PHLDB2: variants seen among roughly 807,000 people sequenced by gnomAD.
The protein encoded by PHLDB2 is pleckstrin homology like domain family B member 2.
A neutral mutation model predicts 123.6 loss-of-function variants in PHLDB2; 71 were observed. The observed-to-expected ratio is 0.57, with a 90% CI of 0.47 to 0.70. PHLDB2 has a LOEUF of 0.70. Among genes scored for constraint, PHLDB2 ranks in the 30% least tolerant of loss-of-function variants. The pLI, the probability that PHLDB2 is intolerant of heterozygous loss-of-function variation, is 0.00. For synonymous variants in PHLDB2, 547 were observed against 541.6 expected, an observed-to-expected ratio of 1.01 and a Z score of -0.14; for missense variants, 1,446 against 1,519.5, an observed-to-expected ratio of 0.95 and a Z score of 0.80.
intron 1 of PHLDB2, among the ~76,000 whole-genome samples, chr3:111,750,810 G>T (rs987101445): frequency 6.6e-6 from 1 of 152,008 alleles, no homozygotes; most frequent in African/African-American, 2.4e-5. Flanking sequence ...GCCGGGCATG[G>T]TGGTGCATGC....
At chr3:111,854,503 A>T (rs563267872), upstream of PHLDB2, among the ~76,000 whole-genome samples, 1 of 152,350 alleles carries the variant, frequency 6.6e-6, no homozygotes, top group South Asian at 2.1e-4. Flanking sequence ...CTGCAGTAAG[A>T]TTGAAATGAG....
chr3:111,893,092 C>CCG (rs377108715), intron 2 of PHLDB2, among the ~76,000 whole-genome samples: 68,432 of 146,270 alleles, frequency 0.47, 16,271 homozygotes, highest in East Asian at 0.73. Flanking sequence ...TGAGTCCTGA[C>CCG]CACCCCCCCA....
chr3:111,780,873 G>A (rs949712996), intron 1 of PHLDB2, among the ~76,000 whole-genome samples: 1 of 152,006 alleles, frequency 6.6e-6, no homozygotes, highest in African/African-American at 2.4e-5. Flanking sequence ...TGTTTACAAA[G>A]GACTATCTGT....
intron 12 of PHLDB2, chr3:111,956,894 TG>T (rs1477019648): frequency 4.6e-5 from 7 of 152,212 alleles, no homozygotes; most frequent in Non-Finnish European, 8.8e-5. Flanking sequence ...TCTATGGATT[TG>T]AAAAAAATTA....
intron 2 of PHLDB2, among the ~76,000 whole-genome samples, chr3:111,848,648 A>G (rs987606014): frequency 1.3e-5 from 2 of 152,212 alleles, no homozygotes; most frequent in African/African-American, 2.4e-5. Flanking sequence ...CTTTAGACAT[A>G]TACAGTCATG....
chr3:111,799,298 A>G (rs1450732262), intron 1 of PHLDB2, among the ~76,000 whole-genome samples: 6 of 149,532 alleles, frequency 4.0e-5, no homozygotes, highest in Admixed American at 2.0e-4. Flanking sequence ...CACATAGCCA[A>G]AAAAATCACT....
intron 1 of PHLDB2, among the ~76,000 whole-genome samples, chr3:111,832,324 T>C (rs1351362807): frequency 6.7e-6 from 1 of 150,142 alleles, no homozygotes; most frequent in Non-Finnish European, 1.5e-5. Context: ...GTTAATGGCA[T>C]TGTTTGCTTT....
intron 1 of PHLDB2, among the ~76,000 whole-genome samples, chr3:111,805,888 AGTC>A: frequency 1.3e-5 from 2 of 148,900 alleles, no homozygotes; most frequent in Admixed American, 6.8e-5. Context: ...AGATACAAGA[AGTC>A]AAGAAAGAAG....
intron 6 of PHLDB2, among the ~76,000 whole-genome samples, chr3:111,937,554 T>C (rs555970493): frequency 6.6e-6 from 1 of 152,052 alleles, no homozygotes; most frequent in African/African-American, 2.4e-5. Flanking sequence ...GAGGCTGAGG[T>C]GAGTGGATTG....
At chr3:111,956,284 G>A (rs1477657365) in intron 12 of PHLDB2, among the ~76,000 whole-genome samples, 1 of 152,184 alleles carries the variant, frequency 6.6e-6, no homozygotes, top group Non-Finnish European at 1.5e-5. Flanking sequence ...AAACTCAAGA[G>A]CCATTAACAT....
At chr3:111,955,997 C>G (rs2071032945) in intron 12 of PHLDB2, among the ~76,000 whole-genome samples, 1 of 152,114 alleles carries the variant, frequency 6.6e-6, no homozygotes, top group Non-Finnish European at 1.5e-5. Flanking sequence ...GAATTTGAGA[C>G]CAGCCTGGGC....
chr3:111,779,856 G>A (rs1474633658), intron 1 of PHLDB2: 4 of 984,220 alleles, frequency 4.1e-6, no homozygotes, highest in Non-Finnish European at 4.8e-6. Flanking sequence ...CCTCTATATG[G>A]AAATACTTAG....
chr3:111,732,685 T>C (rs1485728483), exon 1 of PHLDB2: 10 of 1,535,600 alleles, frequency 6.5e-6, no homozygotes, highest in Non-Finnish European at 7.9e-6. Context: ...AGAGTCGGGA[T>C]TGAAAAGCAG....
Position 111,884,279 on chromosome 3 carries a change from G to T in PHLDB2, c.202G>T (p.Ala68Ser). ...TTTAACCCTCTCACAACCTGTGCCTGCAAAGAGAAGCCCTTCTCCTTTGGG... is the reference window on the plus strand; with the variant it reads ...TTTAACCCTCTCACAACCTGTGCCTTCAAAGAGAAGCCCTTCTCCTTTGGG... ...SYLTLSQPVP[A>S]KRSPSPLGTS... is the part of the protein sequence containing the mutation. The change falls in exon 2 of 18, where the codon GCA becomes TCA. Residue 68 changes from alanine to serine, a missense_variant. Physicochemically the swap from Ala to Ser is moderately conservative, Grantham distance 99. Transcript: ENST00000431670. 6.2e-7 allele frequency: 1 copy of T among 1,614,192 alleles called. No homozygotes were observed. The highest frequency in any genetic ancestry group is 8.5e-7 in the Non-Finnish European group (1 of 1,180,028).
chr3:111,758,662 A>C (rs1255661260), intron 1 of PHLDB2, among the ~76,000 whole-genome samples: 1 of 152,198 alleles, frequency 6.6e-6, no homozygotes, highest in African/African-American at 2.4e-5. Flanking sequence ...CCGGTACCTC[A>C]GATGGAAATG....
intron 1 of PHLDB2, among the ~76,000 whole-genome samples, chr3:111,782,529 C>T (rs1016341224): frequency 1.3e-5 from 2 of 152,086 alleles, no homozygotes; most frequent in African/African-American, 4.8e-5. Flanking sequence ...ATGCTCTCTA[C>T]TCTCCCCATA....
chr3:111,885,243 A>G lies in PHLDB2; in HGVS notation c.1166A>G (p.Glu389Gly). ...TRRNFSCGSV[E>G]FDEADLESLR... ...AGGAACTTCTCTTGTGGATCTGTGGAATTTGATGAGGCAGATTTGGAAAGC... is the reference window on the plus strand; with the variant it reads ...AGGAACTTCTCTTGTGGATCTGTGGGATTTGATGAGGCAGATTTGGAAAGC... The change falls in exon 2 of 18, where the codon GAA becomes GGA. Residue 389 changes from glutamate to glycine, a missense_variant. Transcript: ENST00000431670. 1 of 1,614,070 alleles carries G rather than the reference A, an allele frequency of 6.2e-7. No individual in the cohort carries two copies. The highest frequency in any genetic ancestry group is 8.5e-7 in the Non-Finnish European group (1 of 1,180,022).
upstream of PHLDB2, among the ~76,000 whole-genome samples, chr3:111,856,508 A>G: frequency 6.6e-6 from 1 of 152,380 alleles, no homozygotes; most frequent in South Asian, 2.1e-4. Flanking sequence ...ATACGTATAC[A>G]ATAGTAATTA....
intron 1 of PHLDB2, among the ~76,000 whole-genome samples, chr3:111,795,247 C>G (rs941200252): frequency 6.6e-6 from 1 of 152,202 alleles, no homozygotes; most frequent in Non-Finnish European, 1.5e-5. Flanking sequence ...TCATGGGAAA[C>G]TGCATTTCAG....
Sources: allele counts gnomAD v4.1 joint callset (sites outside exome capture counted in the v4.1 genomes callset), GRCh38; gene constraint gnomAD v4.1.1; transcripts MANE v1.5; gene names NCBI Gene and HGNC (gene_info 2026-07-23, HGNC 2026-07-21).